MOB1B: variants seen among roughly 807,000 people sequenced by gnomAD.
MOB1B encodes the protein MOB kinase activator 1B.
Under a neutral mutation model 24.4 loss-of-function variants are expected in MOB1B, and 19 were observed. The observed-to-expected ratio is 0.78, with a 90% CI of 0.54 to 1.14. MOB1B has a LOEUF of 1.14. Among genes scored for constraint, MOB1B ranks in the 50% most tolerant of loss-of-function variants. The pLI is 0.00. For missense variants in MOB1B, 243 were observed against 259.6 expected (o/e 0.94, Z 0.44); for synonymous variants, 76 against 82.1 (o/e 0.93, Z 0.40).
At chr4:70,942,409 A>G (rs1693858576) in intron 1 of MOB1B, among the ~76,000 whole-genome samples, 1 of 152,036 alleles carries the variant, frequency 6.6e-6, no homozygotes, top group Non-Finnish European at 1.5e-5. Context: ...ACACTTTATC[A>G]GTTTTTATAG....
Position 70,986,313 on chromosome 4 carries a change from T to A in MOB1B, c.*4256T>A, listed in dbSNP as rs887965825. On this transcript the variant is annotated 3_prime_UTR_variant, in exon 6 of 6. Coordinates refer to ENST00000309395, the MANE Select transcript of MOB1B (RefSeq NM_173468.4). ...ACTCAGATGAACAATTTGACTTTAA[T>A]AAAAGACTGGAGATTTTTGTACAAA... 1 of 152,266 alleles carries A rather than the reference T, an allele frequency of 6.6e-6. No homozygotes were observed. The highest frequency in any genetic ancestry group is 3.5e-3 in the Middle Eastern group (1 of 288). The allele number at this position is 152,266 out of a possible 1,614,324, so 9.4% of individuals were successfully genotyped here.
At chr4:70,978,450 C>T (rs925292603) in intron 4 of MOB1B, among the ~76,000 whole-genome samples, 14 of 152,142 alleles carry the variant, frequency 9.2e-5, no homozygotes, top group South Asian at 2.1e-4. Context: ...GCCTAGAAGA[C>T]GGATTGCTGG....
At chr4:70,952,021 A>G (rs114199547) in intron 1 of MOB1B, among the ~76,000 whole-genome samples, 2 of 152,198 alleles carry the variant, frequency 1.3e-5, no homozygotes, top group Non-Finnish European at 2.9e-5. Context: ...AAAAGGGTAC[A>G]ATTTATTTGG....
intron 1 of MOB1B, among the ~76,000 whole-genome samples, chr4:70,919,581 C>G (rs979501339): frequency 6.6e-6 from 1 of 152,164 alleles, no homozygotes; most frequent in African/African-American, 2.4e-5. Flanking sequence ...TCACTGCAAC[C>G]TCTGCCTCCC....
intron 1 of MOB1B, among the ~76,000 whole-genome samples, chr4:70,929,943 CA>C (rs1736821563): frequency 6.6e-6 from 1 of 152,108 alleles, no homozygotes; most frequent in Non-Finnish European, 1.5e-5. Context: ...TTTGTAGAGA[CA>C]GCGTCTCCCT....
chr4:70,919,883 A>T (rs930454992), intron 1 of MOB1B, among the ~76,000 whole-genome samples: 1 of 152,178 alleles, frequency 6.6e-6, no homozygotes, highest in African/African-American at 2.4e-5. Context: ...CTGGTGAGTT[A>T]TGTTCAATAA....
chr4:70,903,402 G>A (rs766004091), intron 1 of MOB1B, among the ~76,000 whole-genome samples: 8 of 152,160 alleles, frequency 5.3e-5, no homozygotes, highest in Non-Finnish European at 1.0e-4. Context: ...ACGTGGAGGG[G>A]GAAGGGCAGA....
intron 1 of MOB1B, among the ~76,000 whole-genome samples, chr4:70,954,110 G>A (rs1737929891): frequency 6.6e-6 from 1 of 152,118 alleles, no homozygotes; most frequent in Non-Finnish European, 1.5e-5. Flanking sequence ...TAAACTTGAT[G>A]TGTGACAGTT....
chr4:70,905,816 A>G (rs1451057720), intron 1 of MOB1B, among the ~76,000 whole-genome samples: 1 of 151,916 alleles, frequency 6.6e-6, no homozygotes, highest in East Asian at 1.9e-4. Context: ...TGTAATTCCA[A>G]CACTTTGGGA....
chr4:70,979,563 G>C (rs1366539523), intron 5 of MOB1B, among the ~76,000 whole-genome samples: 1 of 152,196 alleles, frequency 6.6e-6, no homozygotes. Flanking sequence ...ACTGGATAAT[G>C]AATCTGACTA....
intron 2 of MOB1B, among the ~76,000 whole-genome samples, chr4:70,962,745 T>C (rs1431734453): frequency 6.6e-6 from 1 of 152,132 alleles, no homozygotes; most frequent in African/African-American, 2.4e-5. Flanking sequence ...ACGTCTGTAA[T>C]CCCAGCATTT....
At chr4:70,979,437 G>T in intron 5 of MOB1B, 146 bp downstream of exon 5, 1 of 576,166 alleles carries the variant, frequency 1.7e-6, no homozygotes, top group Non-Finnish European at 2.9e-6. Context: ...ATGATGATAA[G>T]GACTGACTTT....
At chr4:70,968,381 G>A (rs1209698237) in intron 2 of MOB1B, among the ~76,000 whole-genome samples, 1 of 151,998 alleles carries the variant, frequency 6.6e-6, no homozygotes, top group Non-Finnish European at 1.5e-5. Flanking sequence ...GCACGATCTC[G>A]GGTCACTGCA....
intron 2 of MOB1B, among the ~76,000 whole-genome samples, chr4:70,969,627 CA>C (rs1738674591): frequency 6.6e-6 from 1 of 152,138 alleles, no homozygotes; most frequent in Non-Finnish European, 1.5e-5. Context: ...TCACATTTTT[CA>C]GCTGTGTTGT....
intron 1 of MOB1B, among the ~76,000 whole-genome samples, chr4:70,956,429 A>C (rs1738056452): frequency 1.3e-5 from 2 of 150,690 alleles, no homozygotes; most frequent in African/African-American, 4.9e-5. Flanking sequence ...TGCTGGGTCA[A>C]TTTTTTATTT....
chr4:70,917,035 T>G (rs529395720), intron 1 of MOB1B, among the ~76,000 whole-genome samples: 1 of 152,304 alleles, frequency 6.6e-6, no homozygotes, highest in African/African-American at 2.4e-5. Context: ...TGCTATAGAG[T>G]GTATTATGAG....
intron 1 of MOB1B, among the ~76,000 whole-genome samples, chr4:70,928,083 C>T (rs1409350406): frequency 1.3e-5 from 2 of 152,182 alleles, no homozygotes; most frequent in East Asian, 3.9e-4. Context: ...CCTGTGCCCC[C>T]TTCCCAGTTT....
Position 70,915,800 on chromosome 4 carries a change from G to A in MOB1B, c.14+13250G>A, listed in dbSNP as rs551992333. Reference sequence around the variant, plus strand: ...GCATAGTCCCTACCTATTGGGGATCGTGGAACTGTCTCCCTGCTCTGTCTA... The same window carrying A: ...GCATAGTCCCTACCTATTGGGGATCATGGAACTGTCTCCCTGCTCTGTCTA... On this transcript the variant is annotated intron_variant, in intron 1 of 5. Coordinates refer to ENST00000309395, the MANE Select transcript of MOB1B (RefSeq NM_173468.4). Among the ~76,000 whole-genome samples, 12 of 151,832 alleles carry A rather than the reference G, an allele frequency of 7.9e-5. No homozygotes were observed. In the East Asian group the frequency reaches 1.9e-3, roughly 25 times the overall value.
At chr4:70,927,267 A>AGT (rs1736693538) in intron 1 of MOB1B, among the ~76,000 whole-genome samples, 1 of 152,068 alleles carries the variant, frequency 6.6e-6, no homozygotes, top group Admixed American at 6.6e-5. Flanking sequence ...AGCCAGGCGC[A>AGT]GTGGCTCATG....
Sources: gnomAD v4.1 joint callset for allele counts (sites outside exome capture counted in the v4.1 genomes callset) on GRCh38, gnomAD v4.1.1 for gene constraint, MANE v1.5 for transcripts, NCBI Gene and HGNC (gene_info 2026-07-23, HGNC 2026-07-21) for gene names.